The following ELF1 variants were observed in gnomAD, a reference collection of about 807,000 sequenced individuals.
The protein encoded by ELF1 is E74 like ETS transcription factor 1.
In ELF1, 24 loss-of-function variants were observed where a neutral mutation model predicts 59.9. The observed-to-expected ratio is 0.40, with a 90% CI of 0.29 to 0.56. The LOEUF is 0.56. ELF1 is among the 20% of genes least tolerant of loss of function. ELF1 has a pLI of 0.44. For synonymous variants in ELF1, 248 were observed against 266.2 expected, an observed-to-expected ratio of 0.93 and a Z score of 0.67; for missense variants, 627 against 742.2, an observed-to-expected ratio of 0.84 and a Z score of 1.80.
rs562760847 is a variant in ELF1, at chr13:41,001,613, T to C, written c.-229+17615A>G. 2.0e-5 allele frequency among the ~76,000 whole-genome samples: 3 copies of C among 152,320 alleles called. No individual in the cohort carries two copies. The South Asian group carries it at 6.2e-4, about 32-fold the overall frequency. ...GAGACCCTGTTCTAAGTGCTGGGAA[T>C]ACAGCAGTGAACAAACCGACCAAAA... On this transcript the variant is annotated intron_variant, in intron 1 of 8. Transcript: ENST00000239882.
In ELF1 at chr13:40,933,582, T is replaced by A; in HGVS notation, c.1703A>T (p.Glu568Val). Residue 568 changes from glutamate to valine, a missense_variant, in exon 9 of 9, where the codon GAA (glutamate) becomes GTA (valine). Around this residue, in one of 3 missense-constraint regions of ELF1, gnomAD observed 361 missense variants for 396.1 expected, o/e 0.91. Coordinates refer to ENST00000239882, the MANE Select transcript of ELF1 (RefSeq NM_172373.4). The stretch of plus-strand genomic sequence containing the variant: ...ATCTTCAGATTCCTTTTTCTCTACT[T>A]CCTGTGTAAGAGTTTTTGTTTCTTG... The part of the protein sequence containing the change: ...KTQETKTLTQ[E>V]VEKKESEDHL... 6.2e-7 allele frequency: 1 copy of A among 1,614,222 alleles called. No individual in the cohort carries two copies. Among genetic ancestry groups the A allele is most frequent in the Non-Finnish European group, 8.5e-7 (1 of 1,180,038 alleles).
At chr13:41,049,491 C>A (rs1876995395) in intron 1 of ELF1, among the ~76,000 whole-genome samples, 1 of 152,150 alleles carries the variant, frequency 6.6e-6, no homozygotes, top group Admixed American at 6.5e-5. Context: ...AGATAAAATT[C>A]AAAATATCTA....
At chr13:41,044,725 T>C (rs1052531777) in intron 1 of ELF1, among the ~76,000 whole-genome samples, 1 of 152,218 alleles carries the variant, frequency 6.6e-6, no homozygotes, top group Non-Finnish European at 1.5e-5. Flanking sequence ...TTTGCATCGA[T>C]GTTCATCAGG....
chr13:40,951,552 T>C (rs1870852481), intron 3 of ELF1, 116 bp from the exon 4 acceptor site: 1 of 665,244 alleles, frequency 1.5e-6, no homozygotes, highest in Non-Finnish European at 2.4e-6. Context: ...AGTTTATATA[T>C]ATATATAAAC....
chr13:40,978,689 T>C (rs1316385448), intron 2 of ELF1, among the ~76,000 whole-genome samples: 1 of 150,892 alleles, frequency 6.6e-6, no homozygotes, highest in Non-Finnish European at 1.5e-5. Flanking sequence ...AAGAAAACTC[T>C]AATTGAAAAT....
At chr13:41,026,690 T>C (rs1470051347) in intron 1 of ELF1, among the ~76,000 whole-genome samples, 1 of 152,148 alleles carries the variant, frequency 6.6e-6, no homozygotes, top group Non-Finnish European at 1.5e-5. Context: ...GGCCACCAAG[T>C]TATCATGCAA....
At chr13:41,008,014 A>G (rs1874850778) in intron 1 of ELF1, among the ~76,000 whole-genome samples, 1 of 152,132 alleles carries the variant, frequency 6.6e-6, no homozygotes, top group Non-Finnish European at 1.5e-5. Context: ...ACTCCTTACC[A>G]CTGGGCACTC....
chr13:41,016,441 A>T (rs771158320), intron 1 of ELF1, among the ~76,000 whole-genome samples: 1 of 152,214 alleles, frequency 6.6e-6, no homozygotes, highest in African/African-American at 2.4e-5. Context: ...GAGGAGGAGA[A>T]GATGTGACAA....
intron 2 of ELF1, among the ~76,000 whole-genome samples, chr13:40,979,047 T>TC (rs1421188966): frequency 1.1e-4 from 17 of 151,588 alleles, no homozygotes; most frequent in Middle Eastern, 3.4e-3. Flanking sequence ...CTTCCTTCCT[T>TC]CCCCCATCTA....
intron 2 of ELF1, among the ~76,000 whole-genome samples, chr13:40,976,278 G>T (rs1872899500): frequency 6.6e-6 from 1 of 152,160 alleles, no homozygotes; most frequent in African/African-American, 2.4e-5. Context: ...GAAGTCAAGA[G>T]AATCTGTTAA....
At chr13:40,975,128 C>G (rs749475043) in intron 2 of ELF1, among the ~76,000 whole-genome samples, 1 of 152,196 alleles carries the variant, frequency 6.6e-6, no homozygotes, top group Non-Finnish European at 1.5e-5. Context: ...AGAGGATCCA[C>G]TAAGTCCACG....
chr13:40,934,107 T>A, intron 8 of ELF1, 79 bp from the exon 9 acceptor site: 1 of 1,509,694 alleles, frequency 6.6e-7, no homozygotes, highest in East Asian at 2.3e-5. Flanking sequence ...ACAAGTCATT[T>A]TACAAAATAC....
intron 8 of ELF1, among the ~76,000 whole-genome samples, 168 bp downstream of exon 8, chr13:40,940,753 G>A (rs994698526): frequency 1.6e-4 from 25 of 152,202 alleles, no homozygotes; most frequent in African/African-American, 5.8e-4. Flanking sequence ...GGCATAATCA[G>A]AGGACTGACA....
Position 40,941,374 on chromosome 13 carries a change from T to C in ELF1, c.807-4A>G. The C allele has an allele frequency of 6.4e-7, 1 of 1,555,414 alleles. No homozygotes were observed. ...AATACCCCTTTGGTAATAGTACCTA[T>C]TCAAAGCAGACAATTTCATCAATCA... On this transcript the variant is annotated splice_polypyrimidine_tract_variant and splice_region_variant and intron_variant, in intron 7 of 8. Coordinates refer to ENST00000239882, the MANE Select transcript of ELF1 (RefSeq NM_172373.4).
intron 1 of ELF1, among the ~76,000 whole-genome samples, chr13:41,034,402 TG>T (rs1174851679): frequency 6.6e-6 from 1 of 152,236 alleles, no homozygotes; most frequent in East Asian, 1.9e-4. Flanking sequence ...CAGTGGACAC[TG>T]GATAAAAAAT....
Position 41,002,145 on chromosome 13 carries a change from G to A in ELF1, c.-229+17083C>T, listed in dbSNP as rs9566652. 2.7e-3 allele frequency among the ~76,000 whole-genome samples: 418 copies of A among 152,250 alleles called. 7 individuals carry two copies. The East Asian group carries it at 0.052, about 19-fold the overall frequency. On this transcript the variant is annotated intron_variant, in intron 1 of 8. Coordinates refer to ENST00000239882, the MANE Select transcript of ELF1 (RefSeq NM_172373.4). ...TAGGTACAGATAAATCCAAAAGGAG[G>A]CTGTTCCAGGTAAAGCTGATTTACT...
intron 8 of ELF1, among the ~76,000 whole-genome samples, chr13:40,939,031 C>T (rs1438813728): frequency 6.6e-6 from 1 of 152,060 alleles, no homozygotes; most frequent in African/African-American, 2.4e-5. Context: ...CAGAACTTGT[C>T]CTAATAAAAA....
At chr13:41,006,477 A>C (rs1391328783) in intron 1 of ELF1, among the ~76,000 whole-genome samples, 1 of 152,300 alleles carries the variant, frequency 6.6e-6, no homozygotes, top group African/African-American at 2.4e-5. Context: ...GGGGAGTCTC[A>C]GAGCAGCTGC....
rs879471223 is a variant in ELF1 at position 40,954,810 on chromosome 13, C to T, written c.254-3374G>A. On this transcript the variant is annotated intron_variant, in intron 3 of 8. Coordinates refer to ENST00000239882, the MANE Select transcript of ELF1 (RefSeq NM_172373.4). ...TCTCGGCTCGCTACAACCTCCACTT[C>T]CCAGCTGCCTGCCTTGGCCCCGCAA... is the stretch of plus-strand genomic sequence containing the variant. Among the ~76,000 whole-genome samples the T allele has an allele frequency of 6.4e-4, 96 of 148,918 alleles. 1 individual carries two copies. Among genetic ancestry groups the T allele is most frequent in the Non-Finnish European group, 1.1e-3 (75 of 66,792 alleles).
Sources: allele counts gnomAD v4.1 joint callset (sites outside exome capture counted in the v4.1 genomes callset), GRCh38; gene constraint gnomAD v4.1.1; regional missense constraint gnomAD v4.1.1; transcripts MANE v1.5; gene names NCBI Gene and HGNC (gene_info 2026-07-23, HGNC 2026-07-21).